MTSS1: variants seen among roughly 807,000 people sequenced by gnomAD.
The protein encoded by MTSS1 is MTSS I-BAR domain containing 1.
Under a neutral mutation model 79.0 loss-of-function variants are expected in MTSS1, and 18 were observed. The ratio of observed to expected loss-of-function variants is 0.23; its 90% confidence interval spans 0.16 to 0.34. The LOEUF (loss-of-function observed/expected upper bound fraction) is 0.34. Ranked by LOEUF, MTSS1 falls within the 10% of genes least tolerant of loss-of-function variation. The pLI is 1.00. For synonymous variants in MTSS1, 341 were observed against 368.6 expected (o/e 0.93, Z 0.86); for missense variants, 815 against 986.2 (o/e 0.83, Z 2.33).
In MTSS1 at chr8:124,668,590, A is replaced by G. The variant is rs1823557288; in HGVS notation, c.208+30936T>C. 2.6e-5 allele frequency among the ~76,000 whole-genome samples: 4 copies of G among 152,304 alleles called. No homozygotes were observed. The South Asian group carries it at 8.3e-4, about 32-fold the overall frequency. ...AAGGTCAACTTAGCACCTACCCGTG[A>G]CACTCTTCGACAGCATGCCAGACTC... On this transcript the variant is annotated intron_variant, in intron 3 of 13. Transcript: ENST00000518547.
intron 3 of MTSS1, among the ~76,000 whole-genome samples, chr8:124,668,980 A>G (rs1449808190): frequency 6.6e-6 from 1 of 152,262 alleles, no homozygotes; most frequent in Non-Finnish European, 1.5e-5. Flanking sequence ...CTCACTGTTT[A>G]GACAGATATT....
At chr8:124,702,333 G>A (rs1419176441) in intron 2 of MTSS1, among the ~76,000 whole-genome samples, 1 of 152,180 alleles carries the variant, frequency 6.6e-6, no homozygotes, top group Non-Finnish European at 1.5e-5. Flanking sequence ...GGCTAAATAA[G>A]GTGAGGCTGG....
In MTSS1 at chr8:124,565,043, C is replaced by T. The variant is rs568471967; in HGVS notation, c.824+619G>A. ...AAGGAGAGGAAAAGAAACTTTCCTA[C>T]TCGGCAAGCCAAGAACTGACTTCTA... On this transcript the variant is annotated intron_variant, in intron 9 of 13. Transcript: ENST00000518547. Among the ~76,000 whole-genome samples, 3 of 152,324 alleles carry T rather than the reference C, an allele frequency of 2.0e-5. No homozygotes were observed. In the South Asian group the frequency reaches 6.2e-4, roughly 32 times the overall value.
At chr8:124,635,204 A>C (rs1816762097) in intron 3 of MTSS1, among the ~76,000 whole-genome samples, 1 of 152,196 alleles carries the variant, frequency 6.6e-6, no homozygotes, top group African/African-American at 2.4e-5. Context: ...TTTAGGGTTT[A>C]AAAAGGTAAG....
At chr8:124,556,767 A>C (rs1823909232) in intron 11 of MTSS1, among the ~76,000 whole-genome samples, 1 of 152,228 alleles carries the variant, frequency 6.6e-6, no homozygotes, top group African/African-American at 2.4e-5. Flanking sequence ...AGCGCTCCTT[A>C]ACAACCCAGA....
In MTSS1 at chr8:124,562,996, T is replaced by C. The variant is rs768450556; in HGVS notation, c.825-4A>G. ...GCTGTTGACACTGTTCAGGCTGCTG[T>C]GGAGGACAAGCAGGGGTGAGGGGTG... On this transcript the variant is annotated splice_polypyrimidine_tract_variant and splice_region_variant and intron_variant, in intron 9 of 13. Transcript: ENST00000518547. 42 of 1,601,210 alleles carry C rather than the reference T, an allele frequency of 2.6e-5. 1 individual carries two copies. The South Asian group carries it at 4.4e-4, about 17-fold the overall frequency.
At chr8:124,600,552 G>A (rs190192184) in intron 3 of MTSS1, among the ~76,000 whole-genome samples, 38 of 152,322 alleles carry the variant, frequency 2.5e-4, no homozygotes, top group African/African-American at 7.2e-4. Flanking sequence ...GGTTACATCA[G>A]TGCTCCCATT....
intron 3 of MTSS1, among the ~76,000 whole-genome samples, chr8:124,642,444 C>A (rs530207918): frequency 6.6e-6 from 1 of 152,180 alleles, no homozygotes; most frequent in East Asian, 1.9e-4. Flanking sequence ...CATCTTCCTG[C>A]CAATCACCCA....
intron 3 of MTSS1, among the ~76,000 whole-genome samples, chr8:124,662,715 AG>A (rs979129843): frequency 4.3e-5 from 5 of 116,780 alleles, no homozygotes; most frequent in Admixed American, 9.9e-5. Context: ...ATATTGGGGG[AG>A]GGGGTGGGAG....
intron 9 of MTSS1, among the ~76,000 whole-genome samples, chr8:124,565,383 A>G (rs1826169073): frequency 6.6e-6 from 1 of 152,250 alleles, no homozygotes; most frequent in Non-Finnish European, 1.5e-5. Flanking sequence ...AGGAAAATCA[A>G]ATGTGATCTC....
chr8:124,601,212 C>G (rs568437478), intron 3 of MTSS1, among the ~76,000 whole-genome samples: 12 of 152,148 alleles, frequency 7.9e-5, no homozygotes, highest in Non-Finnish European at 1.3e-4. Flanking sequence ...AGGCGCCCAC[C>G]ACCATGCCTG....
chr8:124,569,318 T>A (rs1385127497), intron 6 of MTSS1, among the ~76,000 whole-genome samples: 2 of 152,238 alleles, frequency 1.3e-5, no homozygotes, highest in Non-Finnish European at 2.9e-5. Flanking sequence ...CAGCAAACCA[T>A]CTTTGCAAAT....
intron 6 of MTSS1, among the ~76,000 whole-genome samples, chr8:124,570,581 T>G (rs557576754): frequency 2.0e-5 from 3 of 152,046 alleles, no homozygotes; most frequent in Admixed American, 2.0e-4. Context: ...AAAACCACAG[T>G]ATATGTAAGG....
chr8:124,556,959 A>G (rs1409836334), intron 11 of MTSS1, among the ~76,000 whole-genome samples: 1 of 152,204 alleles, frequency 6.6e-6, no homozygotes, highest in Non-Finnish European at 1.5e-5. Context: ...AGAGGCCCAC[A>G]CCGCCTGTGA....
rs143074489 is a variant in MTSS1 at position 124,590,841 on chromosome 8, C to T, written c.293+310G>A. Among the ~76,000 whole-genome samples, 545 of 152,272 alleles carry T rather than the reference C, an allele frequency of 3.6e-3. 3 individuals carry two copies. Among genetic ancestry groups the T allele is most frequent in the Non-Finnish European group, 5.2e-3 (354 of 68,034 alleles). On this transcript the variant is annotated intron_variant, in intron 4 of 13. Transcript: ENST00000518547. Reference sequence around the variant, plus strand: ...ACAGCCCCTCTTCTTGCGAGGCTCCCGCAGGGCAGTGGGGGCCCAAAAGAC... The same window carrying T: ...ACAGCCCCTCTTCTTGCGAGGCTCCTGCAGGGCAGTGGGGGCCCAAAAGAC...
intron 3 of MTSS1, among the ~76,000 whole-genome samples, chr8:124,598,486 G>A (rs1220404480): frequency 6.6e-6 from 1 of 152,058 alleles, no homozygotes; most frequent in Non-Finnish European, 1.5e-5. Flanking sequence ...TTTTCCATAA[G>A]GAGGGCTCAC....
chr8:124,682,164 C>A lies in MTSS1; in HGVS notation c.208+17362G>T, dbSNP rs145517157. On this transcript the variant is annotated intron_variant, in intron 3 of 13. Transcript: ENST00000518547. ...TTCTTAACTCTAACAACAGGGTAGCCCTCACGCCAGAATAATTTACCATCT... is the reference window on the plus strand; with the variant it reads ...TTCTTAACTCTAACAACAGGGTAGCACTCACGCCAGAATAATTTACCATCT... Among the ~76,000 whole-genome samples the A allele has an allele frequency of 4.6e-5, 7 of 152,312 alleles. No homozygotes were observed. In the East Asian group the frequency reaches 1.3e-3, roughly 29 times the overall value.
chr8:124,677,801 T>A (rs1825548418), intron 3 of MTSS1, among the ~76,000 whole-genome samples: 1 of 152,202 alleles, frequency 6.6e-6, no homozygotes, highest in Non-Finnish European at 1.5e-5. Flanking sequence ...TCTGTGAATC[T>A]CAAGAAAATT....
At chr8:124,646,986 CAGGCA>C (rs1819109461) in intron 3 of MTSS1, among the ~76,000 whole-genome samples, 1 of 152,132 alleles carries the variant, frequency 6.6e-6, no homozygotes, top group Non-Finnish European at 1.5e-5. Flanking sequence ...GCTGGGACTA[CAGGCA>C]TGTGCCACCA....
Sources: gnomAD v4.1 joint callset for allele counts (sites outside exome capture counted in the v4.1 genomes callset) on GRCh38, gnomAD v4.1.1 for gene constraint, MANE v1.5 for transcripts, NCBI Gene and HGNC (gene_info 2026-07-23, HGNC 2026-07-21) for gene names.